Variants in RGS6 observed in about 807,000 individuals in gnomAD.
RGS6 encodes regulator of G-protein signaling 6.
Under a neutral mutation model 78.5 loss-of-function variants are expected in RGS6, and 30 were observed. That is an observed-to-expected ratio of 0.38 (90% CI 0.29 to 0.52). RGS6 has a LOEUF of 0.52. Ranked by LOEUF, RGS6 falls within the 20% of genes least tolerant of loss-of-function variation. The pLI, the probability that RGS6 is intolerant of heterozygous loss-of-function variation, is 0.85. For missense variants in RGS6, 495 were observed against 609.7 expected (o/e 0.81, Z 1.98); for synonymous variants, 206 against 206.0 (o/e 1.00, Z 0.00).
intron 3 of RGS6, among the ~76,000 whole-genome samples, chr14:72,383,541 A>T (rs1482843523): frequency 1.3e-5 from 2 of 152,076 alleles, no homozygotes. Context: ...TTATTATCCA[A>T]TTATCATCCA....
chr14:72,460,235 C>G (rs1424498323), intron 6 of RGS6, among the ~76,000 whole-genome samples: 2 of 152,180 alleles, frequency 1.3e-5, no homozygotes, highest in African/African-American at 4.8e-5. Flanking sequence ...CAGGGACCTA[C>G]AAGACTTCTG....
intron 2 of RGS6, among the ~76,000 whole-genome samples, chr14:72,098,536 T>C (rs942852981): frequency 2.6e-5 from 4 of 152,188 alleles, no homozygotes; most frequent in African/African-American, 9.7e-5. Context: ...TGTCAGAGCT[T>C]GGACCAAATT....
intron 1 of RGS6, among the ~76,000 whole-genome samples, chr14:71,949,126 A>G (rs1566891344): frequency 6.6e-6 from 1 of 152,098 alleles, no homozygotes; most frequent in Non-Finnish European, 1.5e-5. Flanking sequence ...TGCTATGAAT[A>G]TTTTTGTATG....
chr14:72,126,274 T>C (rs1008070919), intron 2 of RGS6, among the ~76,000 whole-genome samples: 46 of 152,242 alleles, frequency 3.0e-4, no homozygotes, highest in Admixed American at 1.0e-3. Flanking sequence ...CCTTTGGGGA[T>C]TGGCCAACCA....
chr14:72,593,503 G>A, the RGS6 span, among the ~76,000 whole-genome samples: 1 of 152,118 alleles, frequency 6.6e-6, no homozygotes, highest in African/African-American at 2.4e-5. Context: ...TCCTGCCTCA[G>A]CCTCCTGAGT....
intron 2 of RGS6, among the ~76,000 whole-genome samples, chr14:72,215,314 G>C (rs1312305570): frequency 6.6e-6 from 1 of 152,204 alleles, no homozygotes; most frequent in African/African-American, 2.4e-5. Flanking sequence ...TGAGTGCTTG[G>C]AGGCTGCTGC....
intron 2 of RGS6, among the ~76,000 whole-genome samples, chr14:72,223,553 C>G (rs1433037484): frequency 2.0e-5 from 3 of 152,156 alleles, no homozygotes; most frequent in Non-Finnish European, 4.4e-5. Context: ...GGGGGTGTGA[C>G]CCATTTAGAA....
intron 2 of RGS6, among the ~76,000 whole-genome samples, chr14:72,280,362 AC>A (rs1490016448): frequency 6.6e-6 from 1 of 152,116 alleles, no homozygotes; most frequent in African/African-American, 2.4e-5. Context: ...AGCCTGAATG[AC>A]CCTTGAAATC....
chr14:71,945,919 G>GA (rs1382858148), intron 1 of RGS6, among the ~76,000 whole-genome samples: 2 of 151,602 alleles, frequency 1.3e-5, no homozygotes, highest in African/African-American at 4.8e-5. Context: ...GACCTCTGTA[G>GA]AAAAAAAAGA....
Position 72,279,002 on chromosome 14 carries a change from A to G in RGS6, c.85-73093A>G, listed in dbSNP as rs183043115. ...CTCTCCAGTGTCTTCACTTATAAGG[A>G]CACTCATCCTATCCGATTGAGACCC... On this transcript the variant is annotated intron_variant, in intron 2 of 17. Transcript: ENST00000553525. Among the ~76,000 whole-genome samples the G allele has an allele frequency of 2.4e-4, 36 of 152,142 alleles. No individual in the cohort carries two copies. The East Asian group carries it at 5.8e-3, about 24-fold the overall frequency.
intron 14 of RGS6, among the ~76,000 whole-genome samples, chr14:72,511,450 C>G (rs182551628): frequency 1.3e-5 from 2 of 152,348 alleles, no homozygotes; most frequent in African/African-American, 4.8e-5. Context: ...CTGAGAGATG[C>G]AAGTCAAGAT....
intron 12 of RGS6, among the ~76,000 whole-genome samples, chr14:72,485,460 G>A (rs188237388): frequency 3.3e-5 from 5 of 152,130 alleles, no homozygotes; most frequent in African/African-American, 4.8e-5. Context: ...TCCTTCATTG[G>A]CCTGCCTGGC....
At chr14:72,416,887 C>G (rs1283040490) in intron 3 of RGS6, among the ~76,000 whole-genome samples, 1 of 152,184 alleles carries the variant, frequency 6.6e-6, no homozygotes, top group Non-Finnish European at 1.5e-5. Flanking sequence ...CTAATAATAG[C>G]ATATATACCC....
chr14:72,231,332 A>G (rs1370054217), intron 2 of RGS6, among the ~76,000 whole-genome samples: 1 of 152,246 alleles, frequency 6.6e-6, no homozygotes, highest in Non-Finnish European at 1.5e-5. Flanking sequence ...CTGACACTAC[A>G]TAAAGTCAGA....
intron 2 of RGS6, among the ~76,000 whole-genome samples, chr14:72,278,382 C>A (rs1318773470): frequency 6.6e-6 from 1 of 152,178 alleles, no homozygotes; most frequent in Non-Finnish European, 1.5e-5. Context: ...ATGTCAAGAG[C>A]AGACTTAGCT....
At chr14:72,231,219 A>C (rs1243476781) in intron 2 of RGS6, among the ~76,000 whole-genome samples, 2 of 152,348 alleles carry the variant, frequency 1.3e-5, no homozygotes, top group East Asian at 1.9e-4. Flanking sequence ...CCACCAGTTA[A>C]AATGAATAAT....
chr14:71,963,733 G>A (rs2153046237), intron 1 of RGS6, among the ~76,000 whole-genome samples: 1 of 152,290 alleles, frequency 6.6e-6, no homozygotes, highest in Admixed American at 6.5e-5. Flanking sequence ...CCCATTGTAT[G>A]GATATACACG....
chr14:71,939,804 T>C (rs1190397362), intron 1 of RGS6, among the ~76,000 whole-genome samples: 1 of 152,244 alleles, frequency 6.6e-6, no homozygotes, highest in East Asian at 1.9e-4. Context: ...GGAATCACCA[T>C]CCCTGCATCT....
intron 2 of RGS6, among the ~76,000 whole-genome samples, chr14:72,171,697 CT>C (rs1457928259): frequency 6.6e-6 from 1 of 152,186 alleles, no homozygotes; most frequent in Non-Finnish European, 1.5e-5. Flanking sequence ...TTGACTTCAG[CT>C]TTGTTATTTT....
Sources: gnomAD v4.1 joint callset for allele counts (sites outside exome capture counted in the v4.1 genomes callset) on GRCh38, gnomAD v4.1.1 for gene constraint, MANE v1.5 for transcripts, NCBI Gene and HGNC (gene_info 2026-07-23, HGNC 2026-07-21) for gene names.